The following EXOC6B variants were observed in gnomAD, a reference collection of about 807,000 sequenced individuals.
EXOC6B encodes exocyst complex component 6B.
EXOC6B carries 54 observed loss-of-function variants against 113.5 expected under a neutral mutation model. The observed-to-expected ratio is 0.48, with a 90% CI of 0.38 to 0.60. EXOC6B has a LOEUF of 0.60. Ranked by LOEUF, EXOC6B falls within the 20% of genes least tolerant of loss-of-function variation. The pLI is 0.00. For synonymous variants in EXOC6B, 357 were observed against 339.0 expected (o/e 1.05, Z -0.58); for missense variants, 797 against 977.5 (o/e 0.82, Z 2.46).
intron 19 of EXOC6B, among the ~76,000 whole-genome samples, chr2:72,376,152 T>C (rs550399657): frequency 6.6e-6 from 1 of 152,332 alleles, no homozygotes; most frequent in African/African-American, 2.4e-5. Flanking sequence ...GTAGACATCT[T>C]TGAACAATGT....
chr2:72,489,476 C>T (rs1259072060), intron 16 of EXOC6B, among the ~76,000 whole-genome samples: 1 of 152,128 alleles, frequency 6.6e-6, no homozygotes, highest in Non-Finnish European at 1.5e-5. Context: ...TGCTTGACTG[C>T]TTAGACCTCT....
At chr2:72,449,068 A>G (rs1696757135) in intron 18 of EXOC6B, among the ~76,000 whole-genome samples, 1 of 152,244 alleles carries the variant, frequency 6.6e-6, no homozygotes, top group Non-Finnish European at 1.5e-5. Context: ...ACCTCAGCTC[A>G]TATTATAAAG....
At chr2:72,182,621 T>C (rs41409) in intron 21 of EXOC6B, among the ~76,000 whole-genome samples, 21,249 of 151,760 alleles carry the variant, frequency 0.14, 1,898 homozygotes, top group Non-Finnish European at 0.19. Flanking sequence ...GCCAAGAAGC[T>C]GAATGGGAAC....
chr2:72,225,280 C>T (rs1199361031), intron 20 of EXOC6B, among the ~76,000 whole-genome samples: 1 of 151,998 alleles, frequency 6.6e-6, no homozygotes, highest in African/African-American at 2.4e-5. Flanking sequence ...ATATCAATAA[C>T]AAGTCTAACA....
chr2:72,547,560 C>T (rs572210889), intron 8 of EXOC6B, among the ~76,000 whole-genome samples: 3 of 152,270 alleles, frequency 2.0e-5, no homozygotes, highest in Admixed American at 6.5e-5. Context: ...CCCCTCTAGT[C>T]TCTCCTAATG....
intron 8 of EXOC6B, among the ~76,000 whole-genome samples, chr2:72,529,177 C>G (rs976842961): frequency 1.3e-5 from 2 of 152,080 alleles, no homozygotes; most frequent in Admixed American, 6.6e-5. Flanking sequence ...AAGCTAGCTA[C>G]GGGGTTTTGG....
intron 20 of EXOC6B, among the ~76,000 whole-genome samples, chr2:72,243,962 C>T (rs1682492102): frequency 6.6e-6 from 1 of 152,116 alleles, no homozygotes. Context: ...TAGTTAGAGG[C>T]TTCAACAGAC....
intron 20 of EXOC6B, among the ~76,000 whole-genome samples, chr2:72,219,836 G>A (rs1331954370): frequency 6.6e-6 from 1 of 152,068 alleles, no homozygotes; most frequent in East Asian, 1.9e-4. Flanking sequence ...GTAATTGGTA[G>A]TACAAAGATC....
At chr2:72,405,877 TA>T (rs1177583578) in intron 18 of EXOC6B, among the ~76,000 whole-genome samples, 1 of 152,176 alleles carries the variant, frequency 6.6e-6, no homozygotes, top group African/African-American at 2.4e-5. Flanking sequence ...GTAAATGGGC[TA>T]AATGCTCCAA....
chr2:72,205,983 C>T (rs1242632711), intron 20 of EXOC6B, among the ~76,000 whole-genome samples: 1 of 152,150 alleles, frequency 6.6e-6, no homozygotes, highest in Non-Finnish European at 1.5e-5. Flanking sequence ...AGAATGGATT[C>T]CTGCCTCTCA....
intron 11 of EXOC6B, among the ~76,000 whole-genome samples, chr2:72,510,894 G>A (rs1446144814): frequency 6.6e-6 from 1 of 151,818 alleles, no homozygotes; most frequent in African/African-American, 2.4e-5. Context: ...TAAACAACAG[G>A]TGGTTGTAAA....
At chr2:72,549,042 T>A (rs1274118765) in intron 8 of EXOC6B, among the ~76,000 whole-genome samples, 3 of 151,468 alleles carry the variant, frequency 2.0e-5, no homozygotes, top group African/African-American at 2.4e-5. Flanking sequence ...TTTAAATAAA[T>A]AAGAACTAGT....
At chr2:72,232,663 C>T (rs2104472104) in intron 20 of EXOC6B, among the ~76,000 whole-genome samples, 1 of 152,252 alleles carries the variant, frequency 6.6e-6, no homozygotes, top group Non-Finnish European at 1.5e-5. Context: ...ATGCTCATAA[C>T]ATTAAGTGAA....
At chr2:72,371,984 C>G (rs575841295) in intron 19 of EXOC6B, among the ~76,000 whole-genome samples, 1 of 152,244 alleles carries the variant, frequency 6.6e-6, no homozygotes, top group East Asian at 1.9e-4. Flanking sequence ...TTGCAGAATA[C>G]AGAATCAGCA....
At chr2:72,769,976 G>A (rs1573768501) in intron 1 of EXOC6B, among the ~76,000 whole-genome samples, 2 of 152,198 alleles carry the variant, frequency 1.3e-5, no homozygotes, top group East Asian at 1.9e-4. Flanking sequence ...AACAAAACAT[G>A]AGCCAAGAAC....
At chr2:72,435,690 C>T (rs1051893430) in intron 18 of EXOC6B, among the ~76,000 whole-genome samples, 7 of 150,874 alleles carry the variant, frequency 4.6e-5, no homozygotes, top group African/African-American at 1.5e-4. Flanking sequence ...TCTGTTTTAT[C>T]GGAGACTAGG....
At chr2:72,606,782 T>G (rs1335607182) in intron 6 of EXOC6B, among the ~76,000 whole-genome samples, 1 of 151,958 alleles carries the variant, frequency 6.6e-6, no homozygotes, top group Non-Finnish European at 1.5e-5. Flanking sequence ...TGCTAATTTT[T>G]GTATTTTTAG....
chr2:72,386,176 A>C (rs1015554606), intron 18 of EXOC6B, among the ~76,000 whole-genome samples: 1 of 152,122 alleles, frequency 6.6e-6, no homozygotes, highest in Admixed American at 6.6e-5. Flanking sequence ...ACATACATAC[A>C]TACAGTGGAA....
chr2:72,503,907 T>C (rs993378086), intron 11 of EXOC6B, among the ~76,000 whole-genome samples: 2 of 151,960 alleles, frequency 1.3e-5, no homozygotes, highest in Non-Finnish European at 2.9e-5. Flanking sequence ...ATGAGCATCT[T>C]TCTTTTTTTT....
Sources: allele counts gnomAD v4.1 joint callset (sites outside exome capture counted in the v4.1 genomes callset), GRCh38; gene constraint gnomAD v4.1.1; transcripts MANE v1.5; gene names NCBI Gene and HGNC (gene_info 2026-07-23, HGNC 2026-07-21).